The following ITPR2 variants were observed in gnomAD, a reference collection of about 807,000 sequenced individuals.
ITPR2 encodes inositol 1,4,5-trisphosphate-gated calcium channel ITPR2.
Under a neutral mutation model 317.1 loss-of-function variants are expected in ITPR2, and 207 were observed. That is an observed-to-expected ratio of 0.65 (90% CI 0.58 to 0.73). The LOEUF (loss-of-function observed/expected upper bound fraction) is 0.73. Ranked by LOEUF, ITPR2 falls within the 30% of genes least tolerant of loss-of-function variation. The pLI is 0.00. For synonymous variants in ITPR2, 1,156 were observed against 1,149.1 expected (o/e 1.01, Z -0.12); for missense variants, 2,613 against 3,284.0 (o/e 0.80, Z 4.99).
At chr12:26,630,692 G>A (rs1946730435) in intron 22 of ITPR2, 1 of 152,214 alleles carries the variant, frequency 6.6e-6, no homozygotes, top group Non-Finnish European at 1.5e-5. Flanking sequence ...CCGGACTGCT[G>A]AGCCGTAGAA....
chr12:26,529,440 T>C (rs1414559875), intron 37 of ITPR2, among the ~76,000 whole-genome samples: 1 of 152,168 alleles, frequency 6.6e-6, no homozygotes, highest in Non-Finnish European at 1.5e-5. Context: ...CCAGGATGGC[T>C]GCATGGCCTT....
At chr12:26,560,633 G>A (rs1944791152) in intron 35 of ITPR2, among the ~76,000 whole-genome samples, 1 of 152,008 alleles carries the variant, frequency 6.6e-6, no homozygotes, top group Non-Finnish European at 1.5e-5. Context: ...TCACCACCTG[G>A]CTTAGACCTT....
chr12:26,478,319 T>G (rs921588079), intron 43 of ITPR2, among the ~76,000 whole-genome samples: 1 of 152,060 alleles, frequency 6.6e-6, no homozygotes, highest in African/African-American at 2.4e-5. Context: ...TTCATTTTTT[T>G]GCGGACTTGA....
chr12:26,596,889 G>T lies in ITPR2; in HGVS notation c.4248C>A (p.Ile1416=), dbSNP rs755334309. 1.3e-6 allele frequency: 2 copies of T among 1,533,296 alleles called. No individual in the cohort carries two copies. The highest frequency in any genetic ancestry group is 1.8e-6 in the Non-Finnish European group (2 of 1,140,866). 95.0% of individuals were successfully genotyped at this position (1,533,296 alleles called of 1,614,324 possible). A position where few individuals can be genotyped will look rare whatever the true frequency, so the allele number is the denominator to read the frequency against. The part of the protein sequence containing the change: ...IVRVVTHDDC[I]PEVKIAYVNF... ...AAGCTTTTGCCAGGCTTACCTCAGGGATGCAGTCGTCATGGGTCACCACCC... is the reference window on the plus strand; with the variant it reads ...AAGCTTTTGCCAGGCTTACCTCAGGTATGCAGTCGTCATGGGTCACCACCC... The change falls in exon 31 of 57, where the codon ATC becomes ATA. Residue 1416 remains isoleucine (I), a synonymous_variant. Transcript: ENST00000381340.
chr12:26,775,898 G>A (rs1031213243), intron 2 of ITPR2, among the ~76,000 whole-genome samples: 15 of 84,380 alleles, frequency 1.8e-4, no homozygotes, highest in Admixed American at 6.7e-4. Flanking sequence ...CCTTGTGATC[G>A]TGTCAGTCAA....
intron 56 of ITPR2, 90 bp from the exon 57 acceptor site, chr12:26,339,573 C>T (rs1442457646): frequency 2.3e-6 from 2 of 854,606 alleles, no homozygotes; most frequent in East Asian, 4.9e-5. Context: ...TAATATTCCC[C>T]AACTACCTAC....
rs1439055591 is a variant in ITPR2, at chr12:26,773,455, G to A, written c.163+16702C>T. Among the ~76,000 whole-genome samples, 10 of 152,170 alleles carry A rather than the reference G, an allele frequency of 6.6e-5. No homozygotes were observed. In the East Asian group the frequency reaches 1.9e-3, roughly 29 times the overall value. On this transcript the variant is annotated intron_variant, in intron 2 of 56. Transcript: ENST00000381340. ...AAATTAACCCCAGAACACAGGATGG[G>A]TAAGTGAGGGAGCTGGAGAGCTGTT...
chr12:26,486,015 C>T, intron 41 of ITPR2, 89 bp downstream of exon 41: 1 of 1,417,668 alleles, frequency 7.1e-7, no homozygotes, highest in Admixed American at 1.8e-5. Context: ...CTAAAATGCT[C>T]TCCGAAACTA....
rs1437458092 is a variant in ITPR2, at chr12:26,443,668, T to TA, written c.6343-19dup. 5 of 1,604,038 alleles carry TA rather than the reference T, an allele frequency of 3.1e-6. No individual in the cohort carries two copies. The highest frequency in any genetic ancestry group is 2.6e-6 in the Non-Finnish European group (3 of 1,171,858). ...CGGGCCAACTAGAGTAGGGAAAAAA[T>TA]AAAGGTTTTAGGTCTTCTTTTCCCC... On this transcript the variant is annotated intron_variant, in intron 45 of 56. Transcript: ENST00000381340.
intron 22 of ITPR2, 25 bp from the exon 23 acceptor site, chr12:26,628,187 T>C (rs1277492464): frequency 4.5e-6 from 7 of 1,561,724 alleles, no homozygotes; most frequent in Non-Finnish European, 6.1e-6. Context: ...AAGAACAACA[T>C]AAATTTCTTT....
intron 45 of ITPR2, among the ~76,000 whole-genome samples, chr12:26,474,793 C>CAAAAAAAA (rs10616680): frequency 1.2e-5 from 1 of 84,078 alleles, no homozygotes; most frequent in Admixed American, 1.5e-4. Context: ...GACTCCGTCT[C>CAAAAAAAA]AAAAAAAAAA....
intron 45 of ITPR2, among the ~76,000 whole-genome samples, chr12:26,464,002 A>T (rs1291234040): frequency 6.6e-6 from 1 of 152,174 alleles, no homozygotes; most frequent in Non-Finnish European, 1.5e-5. Context: ...TTATCAATCC[A>T]TAAGATTCAT....
chr12:26,572,853 A>G (rs1283340477), intron 34 of ITPR2, among the ~76,000 whole-genome samples: 2 of 152,130 alleles, frequency 1.3e-5, no homozygotes, highest in East Asian at 3.8e-4. Context: ...AGATCTTTAA[A>G]TAAAATTTGT....
intron 37 of ITPR2, among the ~76,000 whole-genome samples, chr12:26,526,075 C>T (rs913240793): frequency 6.6e-6 from 1 of 152,174 alleles, no homozygotes; most frequent in African/African-American, 2.4e-5. Context: ...TTTCTTTCTC[C>T]TCTGCTTATA....
chr12:26,597,538 A>C (rs1010547148), intron 30 of ITPR2, among the ~76,000 whole-genome samples: 1 of 152,232 alleles, frequency 6.6e-6, no homozygotes, highest in Admixed American at 6.5e-5. Context: ...CATTGCAATA[A>C]TGACTACATA....
At chr12:26,454,080 C>T (rs895800415) in intron 45 of ITPR2, among the ~76,000 whole-genome samples, 1 of 152,034 alleles carries the variant, frequency 6.6e-6, no homozygotes, top group Non-Finnish European at 1.5e-5. Flanking sequence ...GTATTTTTTG[C>T]TTATTTATTA....
chr12:26,346,300 T>C (rs1389266304), intron 55 of ITPR2, among the ~76,000 whole-genome samples: 2 of 152,176 alleles, frequency 1.3e-5, no homozygotes, highest in South Asian at 2.1e-4. Flanking sequence ...AGTCATTCAA[T>C]AAAATGATTA....
In ITPR2 at chr12:26,634,849, C is replaced by T. The variant is rs140793399; in HGVS notation, c.2741-2790G>A. 3.8e-3 allele frequency among the ~76,000 whole-genome samples: 533 copies of T among 139,992 alleles called. 3 individuals carry two copies. Among genetic ancestry groups the T allele is most frequent in the African/African-American group, 0.013 (501 of 37,448 alleles). The allele number at this position is 139,992 out of a possible 152,430, so 91.8% of individuals were successfully genotyped here. On this transcript the variant is annotated intron_variant, in intron 21 of 56. Transcript: ENST00000381340. Reference sequence around the variant, plus strand: ...CTAGTGAGTTGAGACTGCACCACCGCACTCCAGCCCAGGCAACAGAGCAAG... The same window carrying T: ...CTAGTGAGTTGAGACTGCACCACCGTACTCCAGCCCAGGCAACAGAGCAAG...
chr12:26,623,239 A>C (rs931433168), intron 24 of ITPR2: 2 of 152,170 alleles, frequency 1.3e-5, no homozygotes, highest in African/African-American at 4.8e-5. Flanking sequence ...TCAGAAATAA[A>C]TAATTCACGA....
Sources: allele counts gnomAD v4.1 joint callset (sites outside exome capture counted in the v4.1 genomes callset), GRCh38; gene constraint gnomAD v4.1.1; transcripts MANE v1.5; gene names NCBI Gene and HGNC (gene_info 2026-07-23, HGNC 2026-07-21).